The following LRRTM1 variants were observed in gnomAD, a reference collection of about 807,000 sequenced individuals.
LRRTM1 encodes the protein leucine rich repeat transmembrane neuronal 1, also known as leucine-rich repeat transmembrane neuronal protein 1.
A neutral mutation model predicts 37.3 loss-of-function variants in LRRTM1; 8 were observed. That is an observed-to-expected ratio of 0.21 (90% CI 0.13 to 0.39). The LOEUF (loss-of-function observed/expected upper bound fraction) is 0.39, where lower values mean the gene tolerates loss of function less well. LRRTM1 is among the 10% of genes least tolerant of loss of function. LRRTM1 has a pLI of 1.00. For missense variants in LRRTM1, 557 were observed against 691.0 expected (o/e 0.81, Z 2.17); for synonymous variants, 326 against 316.8 (o/e 1.03, Z -0.31).
At chr2:80,300,281 G>GTGT (rs1676144755), downstream of LRRTM1, among the ~76,000 whole-genome samples, 79 of 93,162 alleles carry the variant, frequency 8.5e-4, no homozygotes, top group Admixed American at 1.5e-3. Flanking sequence ...GGGGTGTTGG[G>GTGT]GTGTGTGTGT....
downstream of LRRTM1, among the ~76,000 whole-genome samples, chr2:80,297,403 A>G (rs1185949446): frequency 6.6e-6 from 1 of 152,198 alleles, no homozygotes; most frequent in Non-Finnish European, 1.5e-5. Context: ...TAAGGTTGCT[A>G]GCACCTCCCT....
rs772801013 is a variant in LRRTM1, at chr2:80,302,897, C to T, written c.923G>A (p.Ser308Asn). The change falls in exon 2 of 2, where the codon AGC becomes AAC. Residue 308 changes from serine to asparagine, a missense_variant. Transcript: ENST00000295057. This position sits in a 1 kb window ranked among gnomAD's most constrained non-coding sequence, Gnocchi z 6.4. ...RILNSWKSLT[S>N]ITLAGNLWDC... ...CCACAGGTTCCCGGCCAGGGTGATGCTTGTCAGGGACTTCCAAGAGTTGAG... is the reference window on the plus strand; with the variant it reads ...CCACAGGTTCCCGGCCAGGGTGATGTTTGTCAGGGACTTCCAAGAGTTGAG... 2 of 1,614,106 alleles carry T rather than the reference C, an allele frequency of 1.2e-6. No homozygotes were observed. Among genetic ancestry groups the T allele is most frequent in the Admixed American group, 1.7e-5 (1 of 60,028 alleles).
At chr2:80,296,750 G>A (rs1173554118) in intron 2 of LRRTM1, among the ~76,000 whole-genome samples, 1 of 152,040 alleles carries the variant, frequency 6.6e-6, no homozygotes. Flanking sequence ...ATTTGATGTG[G>A]GGGATGTCCT....
downstream of LRRTM1, among the ~76,000 whole-genome samples, chr2:80,300,341 T>C (rs1195599818): frequency 1.3e-5 from 2 of 150,274 alleles, no homozygotes; most frequent in Non-Finnish European, 3.0e-5. Context: ...TGTAAGAAGC[T>C]GTCTCCCAGG....
chr2:80,303,497 G>A lies in LRRTM1; in HGVS notation c.323C>T (p.Ala108Val). ...HNHICSVQGD[A>V]FQKLRRVKEL... ...CTTAACTCGGCGCAGTTTCTGAAAG[G>A]CGTCCCCCTGCACGGAGCAGATGTG... The change falls in exon 2 of 2, where the codon GCC becomes GTC. Residue 108 changes from alanine (A) to valine (V), a missense_variant. This residue lies in a region of LRRTM1 where 140 missense variants were observed against 138.1 expected (regional missense o/e 1.01). Transcript: ENST00000295057. The surrounding 1 kb of genome is among the most constrained non-coding windows in gnomAD (Gnocchi z 7.7). The A allele has an allele frequency of 2.5e-6, 4 of 1,614,250 alleles. No homozygotes were observed. Among genetic ancestry groups the A allele is most frequent in the Non-Finnish European group, 3.4e-6 (4 of 1,180,044 alleles).
downstream of LRRTM1, chr2:80,298,408 GA>G (rs1675951427): frequency 6.6e-6 from 1 of 152,214 alleles, no homozygotes; most frequent in Admixed American, 6.5e-5. Context: ...TTCTCTGTGA[GA>G]GGGGTATGTG....
downstream of LRRTM1, among the ~76,000 whole-genome samples, chr2:80,300,281 GGTGTGT>G (rs70940079): frequency 0.076 from 7,021 of 92,944 alleles, 216 homozygotes; most frequent in Admixed American, 0.14. Flanking sequence ...GGGGTGTTGG[GGTGTGT>G]GTGTGTGTGT....
Position 80,303,183 on chromosome 2 carries a change from C to T in LRRTM1, c.637G>A (p.Glu213Lys), listed in dbSNP as rs777137830. The T allele has an allele frequency of 6.2e-7, 1 of 1,614,024 alleles. No homozygotes were observed. ...AAGTCGTTGTGCTCGAGGTGCAGCTCGGTGAGCTTAAACAAGCCGGCGAAA... is the reference window on the plus strand; with the variant it reads ...AAGTCGTTGTGCTCGAGGTGCAGCTTGGTGAGCTTAAACAAGCCGGCGAAA... ...NSFAGLFKLT[E>K]LHLEHNDLVK... The change falls in exon 2 of 2, where the codon GAG (glutamate) becomes AAG (lysine). Residue 213 changes from glutamate to lysine, a missense_variant. Physicochemically the swap from Glu to Lys is moderately conservative, Grantham distance 56. Transcript: ENST00000295057. This position sits in a 1 kb window ranked among gnomAD's most constrained non-coding sequence, Gnocchi z 7.7.
intron 2 of LRRTM1, among the ~76,000 whole-genome samples, chr2:80,290,196 C>T (rs565060559): frequency 1.3e-5 from 2 of 152,270 alleles, no homozygotes; most frequent in South Asian, 4.1e-4. Context: ...CAGCAAATGG[C>T]AGAAGCTCTG....
downstream of LRRTM1, among the ~76,000 whole-genome samples, chr2:80,299,973 A>G (rs1676094792): frequency 6.6e-6 from 1 of 152,220 alleles, no homozygotes; most frequent in Non-Finnish European, 1.5e-5. Context: ...TTTGTTTTCT[A>G]AAAAAGGTAT....
At chr2:80,300,657 G>A (rs1282320404), downstream of LRRTM1, among the ~76,000 whole-genome samples, 1 of 152,070 alleles carries the variant, frequency 6.6e-6, no homozygotes, top group Non-Finnish European at 1.5e-5. Context: ...ACAGAAAGAT[G>A]CAACTCTTTA....
rs1185799319 is a variant in LRRTM1, at chr2:80,302,618, T to G, written c.1202A>C (p.Gln401Pro). Residue 401 changes from glutamine to proline, a missense_variant, in exon 2 of 2, where the codon CAG becomes CCG. Around this residue, in one of 5 missense-constraint regions of LRRTM1, gnomAD observed 89 missense variants for 80.7 expected, o/e 1.10. Transcript: ENST00000295057. This position sits in a 1 kb window ranked among gnomAD's most constrained non-coding sequence, Gnocchi z 6.4. ...ATTLADGGEG[Q>P]HDGTFEPATV... ...GGCAGGCTCGAATGTGCCGTCGTGC[T>G]GCCCCTCCCCGCCGTCCGCGAGCGT... The G allele has an allele frequency of 1.7e-5, 28 of 1,605,780 alleles. No individual in the cohort carries two copies. Among genetic ancestry groups the G allele is most frequent in the Non-Finnish European group, 2.3e-5 (27 of 1,178,414 alleles).
At chr2:80,292,215 G>A (rs543572717) in intron 2 of LRRTM1, among the ~76,000 whole-genome samples, 2 of 152,226 alleles carry the variant, frequency 1.3e-5, no homozygotes, top group South Asian at 2.1e-4. Context: ...ACCATTCTAA[G>A]CACTTTATAA....
At chr2:80,297,711 A>G (rs1675869198), downstream of LRRTM1, among the ~76,000 whole-genome samples, 2 of 151,984 alleles carry the variant, frequency 1.3e-5, no homozygotes, top group Admixed American at 6.6e-5. Flanking sequence ...ATATATTCCC[A>G]TTTGCTGGCT....
intron 1 of LRRTM1, 92 bp downstream of exon 1, chr2:80,304,060 G>A (rs1451824315): frequency 2.1e-5 from 9 of 428,508 alleles, no homozygotes; most frequent in Non-Finnish European, 3.7e-5. Context: ...CAAAGAGATG[G>A]TGATTTGGTC....
chr2:80,292,588 G>A (rs903215958), intron 2 of LRRTM1, among the ~76,000 whole-genome samples: 1 of 152,170 alleles, frequency 6.6e-6, no homozygotes, highest in Admixed American at 6.5e-5. Flanking sequence ...TATAGGTGGA[G>A]GTCATGTTTC....
chr2:80,301,542 TC>T (rs1676308490), downstream of LRRTM1, among the ~76,000 whole-genome samples: 1 of 152,246 alleles, frequency 6.6e-6, no homozygotes, highest in African/African-American at 2.4e-5. Context: ...TGCAATGCTC[TC>T]TGCTTTAAAG....
exon 3 of LRRTM1, chr2:80,289,067 G>A (rs763379521): frequency 2.0e-5 from 3 of 152,156 alleles, no homozygotes; most frequent in Non-Finnish European, 2.9e-5. Context: ...TAATTAAGCC[G>A]AGATGGATTT....
chr2:80,298,260 C>T (rs1397490969), downstream of LRRTM1: 3 of 152,044 alleles, frequency 2.0e-5, no homozygotes, highest in African/African-American at 7.2e-5. Flanking sequence ...TTTTATTTGA[C>T]ATTCTGTCAA....
Sources: allele counts gnomAD v4.1 joint callset (sites outside exome capture counted in the v4.1 genomes callset), GRCh38; gene constraint gnomAD v4.1.1; regional missense constraint gnomAD v4.1.1; non-coding constraint Gnocchi (gnomAD v3.1); transcripts MANE v1.5; gene names NCBI Gene and HGNC (gene_info 2026-07-23, HGNC 2026-07-21).